The following UQCC1 variants were observed in gnomAD, a reference collection of about 807,000 sequenced individuals.
The protein encoded by UQCC1 is bFGF-repressed Zic-binding protein.
A neutral mutation model predicts 48.0 loss-of-function variants in UQCC1; 38 were observed. The observed-to-expected ratio is 0.79, with a 90% CI of 0.61 to 1.04. The LOEUF (loss-of-function observed/expected upper bound fraction) is 1.04, where lower values mean the gene tolerates loss of function less well. Ranked by LOEUF, UQCC1 falls within the 50% of genes least tolerant of loss-of-function variation. The pLI, the probability that UQCC1 is intolerant of heterozygous loss-of-function variation, is 0.00. For missense variants in UQCC1, 368 were observed against 381.8 expected, an observed-to-expected ratio of 0.96 and a Z score of 0.30; for synonymous variants, 111 against 129.2, an observed-to-expected ratio of 0.86 and a Z score of 0.95.
rs774213501 is a variant in UQCC1 at position 35,322,364 on chromosome 20, CA to C, written c.574-7600del. Among the ~76,000 whole-genome samples the C allele has an allele frequency of 8.5e-5, 13 of 152,108 alleles. No individual in the cohort carries two copies. In the East Asian group the frequency reaches 2.5e-3, roughly 29 times the overall value. ...TTATCTTATTTGTGCCTCACAACCA[CA>C]ACCCTGCCCTCGAGGAGCTCACAGC... On this transcript the variant is annotated intron_variant, in intron 7 of 9. Coordinates refer to ENST00000374385, the MANE Select transcript of UQCC1 (RefSeq NM_018244.5).
At chr20:35,410,838 T>C (rs142921187) in intron 1 of UQCC1, among the ~76,000 whole-genome samples, 42 of 150,310 alleles carry the variant, frequency 2.8e-4, no homozygotes, top group African/African-American at 1.0e-3. Context: ...CTGAATCAAT[T>C]TCTGGCCTGA....
chr20:35,318,839 G>A (rs556805567), intron 7 of UQCC1, among the ~76,000 whole-genome samples: 128 of 152,282 alleles, frequency 8.4e-4, no homozygotes, highest in Non-Finnish European at 1.5e-3. Flanking sequence ...CAGGATATTC[G>A]CTCTGGTGAA....
At chr20:35,399,925 C>A (rs866024753) in intron 1 of UQCC1, among the ~76,000 whole-genome samples, 1 of 119,584 alleles carries the variant, frequency 8.4e-6, no homozygotes, top group Non-Finnish European at 1.7e-5. Flanking sequence ...CTACTCAGTC[C>A]TTTTTTTTTT....
chr20:35,338,678 T>G (rs1323288425), intron 7 of UQCC1, among the ~76,000 whole-genome samples: 1 of 150,266 alleles, frequency 6.7e-6, no homozygotes, highest in African/African-American at 2.5e-5. Context: ...AAACCCCGTC[T>G]CTACTAAATG....
chr20:35,316,540 T>C (rs1484769478), intron 7 of UQCC1, among the ~76,000 whole-genome samples: 2 of 152,218 alleles, frequency 1.3e-5, no homozygotes, highest in East Asian at 1.9e-4. Flanking sequence ...GGAAGAAATG[T>C]AGAAAGGGTG....
At chr20:35,390,921 G>A (rs1288025755) in intron 2 of UQCC1, among the ~76,000 whole-genome samples, 2 of 152,032 alleles carry the variant, frequency 1.3e-5, no homozygotes, top group Non-Finnish European at 2.9e-5. Context: ...CTATATTATA[G>A]GTGGTAGCTC....
intron 5 of UQCC1, among the ~76,000 whole-genome samples, chr20:35,371,777 A>G (rs2061735356): frequency 6.6e-6 from 1 of 151,002 alleles, no homozygotes; most frequent in Non-Finnish European, 1.5e-5. Flanking sequence ...AAGCTGAGGC[A>G]GGATCACTTA....
At chr20:35,330,142 G>C (rs149849253) in intron 7 of UQCC1, among the ~76,000 whole-genome samples, 1 of 152,228 alleles carries the variant, frequency 6.6e-6, no homozygotes, top group African/African-American at 2.4e-5. Flanking sequence ...AAAGGATCAG[G>C]AGGTCTTTGA....
At chr20:35,322,155 T>C (rs2061138323) in intron 7 of UQCC1, among the ~76,000 whole-genome samples, 1 of 152,184 alleles carries the variant, frequency 6.6e-6, no homozygotes, top group Admixed American at 6.5e-5. Context: ...ACAAGTCTCA[T>C]GCATACTCAT....
At chr20:35,390,896 G>C (rs2062006018) in intron 2 of UQCC1, among the ~76,000 whole-genome samples, 1 of 152,040 alleles carries the variant, frequency 6.6e-6, no homozygotes, top group Admixed American at 6.6e-5. Flanking sequence ...GAAAATATTA[G>C]AAAGGCCGGG....
rs190321654 is a variant in UQCC1, at chr20:35,389,958, G to A, written c.129+4134C>T. On this transcript the variant is annotated intron_variant, in intron 2 of 9. Transcript: ENST00000374385. ...ATGTCCATTGATCCAAATGGATAAA[G>A]AAAATATACAATAGAAGAGTACGCA... Among the ~76,000 whole-genome samples, 232 of 152,222 alleles carry A rather than the reference G, an allele frequency of 1.5e-3. 2 individuals are homozygous for A. The highest frequency in any genetic ancestry group is 5.1e-3 in the African/African-American group (213 of 41,546).
In UQCC1 at chr20:35,303,798, A is replaced by T. The variant is rs1180025479; in HGVS notation, c.*137T>A. ...GGCACACTAAGAGGAAACTCAACAC[A>T]AATGGGGCCAGGTATTTGACAGATG... On this transcript the variant is annotated 3_prime_UTR_variant, in exon 10 of 10. Coordinates refer to ENST00000374385, the MANE Select transcript of UQCC1 (RefSeq NM_018244.5). The T allele has an allele frequency of 1.6e-6, 2 of 1,247,416 alleles. No homozygotes were observed. The highest frequency in any genetic ancestry group is 2.3e-6 in the Non-Finnish European group (2 of 880,202). The allele number at this position is 1,247,416 out of a possible 1,614,324, so 77.3% of individuals were successfully genotyped here.
At chr20:35,369,500 C>T (rs575059527) in intron 5 of UQCC1, among the ~76,000 whole-genome samples, 9 of 152,202 alleles carry the variant, frequency 5.9e-5, no homozygotes, top group Non-Finnish European at 1.2e-4. Flanking sequence ...AAGTTGGATA[C>T]AATTAAATAG....
At chr20:35,373,533 G>T (rs936983052) in intron 5 of UQCC1, among the ~76,000 whole-genome samples, 8 of 152,076 alleles carry the variant, frequency 5.3e-5, no homozygotes, top group African/African-American at 1.9e-4. Context: ...ACAAAAATTA[G>T]CTGGGTATGG....
intron 2 of UQCC1, among the ~76,000 whole-genome samples, chr20:35,393,696 T>C (rs930885908): frequency 9.9e-5 from 15 of 152,180 alleles, no homozygotes; most frequent in African/African-American, 3.6e-4. Context: ...TGGTCAATGG[T>C]AAATGAATAC....
chr20:35,354,454 T>G (rs1007274295), intron 6 of UQCC1, among the ~76,000 whole-genome samples: 2 of 150,754 alleles, frequency 1.3e-5, no homozygotes, highest in African/African-American at 4.9e-5. Context: ...TGGAGTGCAC[T>G]GACGCAATCT....
intron 7 of UQCC1, among the ~76,000 whole-genome samples, chr20:35,316,572 A>T (rs1246595169): frequency 6.6e-6 from 1 of 152,112 alleles, no homozygotes; most frequent in Non-Finnish European, 1.5e-5. Context: ...GACTCAGAAA[A>T]CCTGGGTTCA....
chr20:35,366,433 G>A (rs1300789376), intron 6 of UQCC1, 124 bp downstream of exon 6: 2 of 759,102 alleles, frequency 2.6e-6, no homozygotes, highest in African/African-American at 1.8e-5. Context: ...AAAATGAAAG[G>A]AACAGTTTTT....
At position 35,323,150 on chromosome 20, in the gene UQCC1, A is replaced by G. The variant is rs1470629798; in HGVS notation, c.574-8385T>C. Among the ~76,000 whole-genome samples the G allele has an allele frequency of 2.6e-5, 4 of 152,152 alleles. No individual in the cohort carries two copies. The East Asian group carries it at 7.7e-4, about 29-fold the overall frequency. On this transcript the variant is annotated intron_variant, in intron 7 of 9. Coordinates refer to ENST00000374385, the MANE Select transcript of UQCC1 (RefSeq NM_018244.5). ...GCGTGAGCCACCGCGCCCGGCCCCA[A>G]TCTACTGTCTTTTCTAAGCGATCAC...
Sources: allele counts gnomAD v4.1 joint callset (sites outside exome capture counted in the v4.1 genomes callset), GRCh38; gene constraint gnomAD v4.1.1; transcripts MANE v1.5; gene names NCBI Gene and HGNC (gene_info 2026-07-23, HGNC 2026-07-21).